Variants in ULK3 observed in about 807,000 individuals in gnomAD.
ULK3 encodes the protein unc-51 like kinase 3.
A neutral mutation model predicts 69.4 loss-of-function variants in ULK3; 54 were observed. The observed-to-expected ratio is 0.78, with a 90% confidence interval of 0.63 to 0.98. The LOEUF (loss-of-function observed/expected upper bound fraction) is 0.98, where lower values mean the gene tolerates loss of function less well. Among genes scored for constraint, ULK3 ranks in the 50% least tolerant of loss-of-function variants. ULK3 has a pLI of 0.00. For synonymous variants in ULK3, 240 were observed against 254.5 expected, an observed-to-expected ratio of 0.94 and a Z score of 0.54; for missense variants, 558 against 627.7, an observed-to-expected ratio of 0.89 and a Z score of 1.19.
chr15:74,838,976 GC>G (rs777568652), intron 9 of ULK3, 33 bp downstream of exon 9: 48 of 1,577,786 alleles, frequency 3.0e-5, no homozygotes, highest in Non-Finnish European at 3.8e-5. Context: ...CTTACCCCCT[GC>G]CCCCCCACTT....
In ULK3 at chr15:74,842,738, C is replaced by A; in HGVS notation, c.102+266G>T. On this transcript the variant is annotated intron_variant, in intron 1 of 15. Coordinates refer to ENST00000440863, the MANE Select transcript of ULK3 (RefSeq NM_001099436.4). This position sits in a 1 kb window ranked among gnomAD's most constrained non-coding sequence, Gnocchi z 4.9. ...TAGAACCGCCCACTCTGCCTCCCAA[C>A]TGGCTCCAGTCCCAGACTCCTCCCA... The A allele has an allele frequency of 6.6e-7, 1 of 1,517,604 alleles. No individual in the cohort carries two copies. The highest frequency in any genetic ancestry group is 1.2e-5 in the South Asian group (1 of 82,394). The allele number at this position is 1,517,604 out of a possible 1,614,324, so 94.0% of individuals were successfully genotyped here.
In ULK3 at chr15:74,842,628, G is replaced by C; in HGVS notation, c.103-208C>G. On this transcript the variant is annotated intron_variant, in intron 1 of 15. Coordinates refer to ENST00000440863, the MANE Select transcript of ULK3 (RefSeq NM_001099436.4). This position sits in a 1 kb window ranked among gnomAD's most constrained non-coding sequence, Gnocchi z 4.9. ...ATCCTGGCTTCCCGACACAGCCTCAGCCTGGTCTTCTCCAACCCTCGGCTA... is the reference window on the plus strand; with the variant it reads ...ATCCTGGCTTCCCGACACAGCCTCACCCTGGTCTTCTCCAACCCTCGGCTA... 1 of 1,538,886 alleles carries C rather than the reference G, an allele frequency of 6.5e-7. No individual in the cohort carries two copies. Among genetic ancestry groups the C allele is most frequent in the Non-Finnish European group, 8.7e-7 (1 of 1,148,710 alleles).
chr15:74,841,940 A>C, intron 3 of ULK3, 135 bp downstream of exon 3: 1 of 1,439,326 alleles, frequency 6.9e-7, no homozygotes, highest in Non-Finnish European at 9.5e-7. Flanking sequence ...TATGAGATAA[A>C]CAGGACCATA....
chr15:74,838,703 C>A lies in ULK3; in HGVS notation c.1042G>T (p.Val348Phe), dbSNP rs755151716. 1.2e-6 allele frequency: 2 copies of A among 1,612,488 alleles called. No individual in the cohort carries two copies. The highest frequency in any genetic ancestry group is 2.2e-5 in the South Asian group (2 of 90,702). ...AGCAGGGCCTGATTGGAAGAGGAGA[C>A]GATGGCCTTGAGCTCCTCAGCCCGG... The part of the protein sequence containing the change: ...VSRAEELKAI[V>F]SSSNQALLRQ... Residue 348 changes from valine (V) to phenylalanine (F), a missense_variant, in exon 10 of 16, where the codon GTC becomes TTC. Physicochemically the swap from Val to Phe is conservative, Grantham distance 50 (BLOSUM62 -1). Coordinates refer to ENST00000440863, the MANE Select transcript of ULK3 (RefSeq NM_001099436.4).
rs1444735697 is a variant in ULK3, at chr15:74,838,500, C to T, written c.1107G>A (p.Met369Ile). ...GTSARDLLREMARDKPRLLAA... is the reference protein window; with the variant it reads ...GTSARDLLREIARDKPRLLAA... ...CTAGGAGGCGTGGCTTGTCCCGGGC[C>T]ATCTCTGAGATGAGGGGAAAGGCTC... The change falls in exon 11 of 16, where the codon ATG becomes ATA. Residue 369 changes from methionine (M) to isoleucine (I), a missense_variant. Met to Ile is a conservative substitution (Grantham distance 10). Transcript: ENST00000440863. The T allele has an allele frequency of 6.4e-7, 1 of 1,573,002 alleles. No individual in the cohort carries two copies. The highest frequency in any genetic ancestry group is 8.6e-7 in the Non-Finnish European group (1 of 1,159,314).
intron 13 of ULK3, 171 bp from the exon 14 acceptor site, chr15:74,837,969 T>C (rs2141133710): frequency 1.6e-6 from 2 of 1,236,052 alleles, no homozygotes; most frequent in Middle Eastern, 2.6e-4. Context: ...CCCAGACTTT[T>C]TGCTGCTGGG....
chr15:74,843,131 G>A lies in ULK3; in HGVS notation c.-26C>T, dbSNP rs535259870. The A allele has an allele frequency of 2.4e-6, 3 of 1,240,954 alleles. No individual in the cohort carries two copies. The highest frequency in any genetic ancestry group is 2.0e-6 in the Non-Finnish European group (2 of 984,788). The allele number at this position is 1,240,954 out of a possible 1,614,324, so 76.9% of individuals were successfully genotyped here. ...TCCGGCCGCCTGCGCCCGCGCGGGC[G>A]CTTCCTCGCTGCGGGCGGCGGTTCC... is the stretch of plus-strand genomic sequence containing the variant. On this transcript the variant is annotated 5_prime_UTR_variant, in exon 1 of 16. Coordinates refer to ENST00000440863, the MANE Select transcript of ULK3 (RefSeq NM_001099436.4).
chr15:74,837,916 T>C, intron 13 of ULK3, 118 bp from the exon 14 acceptor site: 1 of 1,241,362 alleles, frequency 8.1e-7, no homozygotes, highest in Non-Finnish European at 1.1e-6. Context: ...CAGAACAACT[T>C]GCCTCCTGAG....
intron 13 of ULK3, 107 bp downstream of exon 13, chr15:74,838,045 C>A: frequency 1.4e-6 from 2 of 1,476,868 alleles, no homozygotes; most frequent in Admixed American, 2.1e-5. Context: ...AGACTTGGAA[C>A]ACCCTGACAG....
rs762483037 is a variant in ULK3 at position 74,840,711 on chromosome 15, C to A, written c.470-70G>T. ...TCAGCTCCTGACTTGTAAAGCCTCA[C>A]CCCAGGCTCCTCTCCACCCTCCAGA... is the stretch of plus-strand genomic sequence containing the variant. On this transcript the variant is annotated intron_variant, in intron 4 of 15. Coordinates refer to ENST00000440863, the MANE Select transcript of ULK3 (RefSeq NM_001099436.4). 6.0e-6 allele frequency: 9 copies of A among 1,495,302 alleles called. No individual in the cohort carries two copies. In the African/African-American group the frequency reaches 1.1e-4, roughly 19 times the overall value. 92.6% of individuals were successfully genotyped at this position (1,495,302 alleles called of 1,614,324 possible).
chr15:74,839,022 T>C lies in ULK3; in HGVS notation c.987A>G (p.Ala329=). ...GACTCTCACCCACCTTTGCCTTAAT[T>C]GCCTCCTTCCGCTGGGCATCCACTT... The part of the protein sequence containing the change: ...HYEVDAQRKE[A]IKAKVGQYVS... Residue 329 remains alanine (A), a synonymous_variant, in exon 9 of 16, where the codon GCA becomes GCG. Transcript: ENST00000440863. 6.2e-7 allele frequency: 1 copy of C among 1,605,356 alleles called. No individual in the cohort carries two copies. The highest frequency in any genetic ancestry group is 8.5e-7 in the Non-Finnish European group (1 of 1,176,250).
In ULK3 at chr15:74,838,908, G is replaced by A. The variant is rs143279438; in HGVS notation, c.999+102C>T. 554 of 1,484,612 alleles carry A rather than the reference G, an allele frequency of 3.7e-4. 4 individuals are homozygous for A. In the African/African-American group the frequency reaches 5.5e-3, roughly 15 times the overall value. The allele number at this position is 1,484,612 out of a possible 1,614,324, so 92.0% of individuals were successfully genotyped here. ...ACCCATTCCCAGCTCTGTGTTGCAG[G>A]AGAGGAAGTTCCAATTCTAAGAGAG... On this transcript the variant is annotated intron_variant, in intron 9 of 15. Coordinates refer to ENST00000440863, the MANE Select transcript of ULK3 (RefSeq NM_001099436.4).
At position 74,837,008 on chromosome 15, in the gene ULK3, C is replaced by T. The variant is rs561367896; in HGVS notation, c.*220G>A. On this transcript the variant is annotated 3_prime_UTR_variant, in exon 16 of 16. Coordinates refer to ENST00000440863, the MANE Select transcript of ULK3 (RefSeq NM_001099436.4). Reference sequence around the variant, plus strand: ...AAAGAAGTGCTGTTCTCCCAGAGTCCTGCCCTCCCCTCCAGTATACAGCAC... The same window carrying T: ...AAAGAAGTGCTGTTCTCCCAGAGTCTTGCCCTCCCCTCCAGTATACAGCAC... 7.1e-5 allele frequency: 37 copies of T among 524,144 alleles called. No homozygotes were observed. In the East Asian group the frequency reaches 1.1e-3, roughly 15 times the overall value. 32.5% of individuals were successfully genotyped at this position (524,144 alleles called of 1,614,324 possible).
At chr15:74,838,850 T>C in intron 9 of ULK3, 105 bp from the exon 10 acceptor site, 1 of 1,406,864 alleles carries the variant, frequency 7.1e-7, no homozygotes, top group Admixed American at 2.0e-5. Context: ...CCTCAAGCTA[T>C]AAACATGTCA....
intron 4 of ULK3, 108 bp downstream of exon 4, chr15:74,841,297 T>A (rs2064236231): frequency 1.2e-6 from 1 of 861,680 alleles, no homozygotes. Context: ...TGTCACTCTT[T>A]GAGGACTCTA....
chr15:74,837,837 T>C (rs2064079672), intron 13 of ULK3, 39 bp from the exon 14 acceptor site: 3 of 1,257,934 alleles, frequency 2.4e-6, no homozygotes, highest in Admixed American at 2.1e-5. Context: ...TGGGGGAGAG[T>C]GGCGGGGGGT....
At position 74,842,690 on chromosome 15, in the gene ULK3, C is replaced by T. The variant is rs941324889; in HGVS notation, c.103-270G>A. The T allele has an allele frequency of 6.5e-7, 1 of 1,534,344 alleles. No homozygotes were observed. Among genetic ancestry groups the T allele is most frequent in the South Asian group, 1.2e-5 (1 of 84,030 alleles). On this transcript the variant is annotated intron_variant, in intron 1 of 15. Coordinates refer to ENST00000440863, the MANE Select transcript of ULK3 (RefSeq NM_001099436.4). This position sits in a 1 kb window ranked among gnomAD's most constrained non-coding sequence, Gnocchi z 4.9. ...TCTTTGCATTCTGGAGTGCTCCCGG[C>T]AGAGGCATGTCACTCAGGGTTCTAG...
rs11312224 is a variant in ULK3, at chr15:74,837,674, AGG to A, written c.1335+75_1335+76del. On this transcript the variant is annotated intron_variant, in intron 14 of 15. Transcript: ENST00000440863. ...GGCGAGAGAGCAGACATACACCAGC[AGG>A]GGGGGACGACAGCCACAAGCAGAGA... is the stretch of plus-strand genomic sequence containing the variant. The A allele has an allele frequency of 4.1e-6, 6 of 1,475,722 alleles. No individual in the cohort carries two copies. The East Asian group carries it at 9.8e-5, about 24-fold the overall frequency. 91.4% of individuals were successfully genotyped at this position (1,475,722 alleles called of 1,614,324 possible). A position where few individuals can be genotyped will look rare whatever the true frequency, so the allele number is the denominator to read the frequency against.
chr15:74,841,924 T>G, intron 3 of ULK3, 151 bp downstream of exon 3: 1 of 1,321,660 alleles, frequency 7.6e-7, no homozygotes, highest in Non-Finnish European at 1.0e-6. Context: ...GAGCAAGGGT[T>G]GAGTGTATGA....
Sources: gnomAD v4.1 joint callset for allele counts on GRCh38, gnomAD v4.1.1 for gene constraint, Gnocchi (gnomAD v3.1) non-coding constraint, MANE v1.5 for transcripts, NCBI Gene and HGNC (gene_info 2026-07-23, HGNC 2026-07-21) for gene names.